The following USP24 variants were observed in gnomAD, a reference collection of about 807,000 sequenced individuals.
The protein encoded by USP24 is ubiquitin carboxyl-terminal hydrolase 24.
In USP24, 97 loss-of-function variants were observed where a neutral mutation model predicts 361.6. That is an observed-to-expected ratio of 0.27 (90% CI 0.23 to 0.32). The LOEUF (loss-of-function observed/expected upper bound fraction) is 0.32, where lower values mean the gene tolerates loss of function less well. Among genes scored for constraint, USP24 ranks in the 10% least tolerant of loss-of-function variants. The pLI is 1.00. For synonymous variants in USP24, 1,098 were observed against 1,124.6 expected, an observed-to-expected ratio of 0.98 and a Z score of 0.47; for missense variants, 2,353 against 3,165.6, an observed-to-expected ratio of 0.74 and a Z score of 6.16.
chr1:55,205,455 C>T (rs1321754496), intron 1 of USP24, among the ~76,000 whole-genome samples: 2 of 152,192 alleles, frequency 1.3e-5, no homozygotes, highest in Admixed American at 6.5e-5. Flanking sequence ...ATTGCATCTT[C>T]TGAGCCAGTT....
At chr1:55,129,421 T>G (rs1557605316) in intron 32 of USP24, 56 bp downstream of exon 32, 35 of 1,454,308 alleles carry the variant, frequency 2.4e-5, no homozygotes, top group Non-Finnish European at 3.2e-5. Context: ...GGAAATTAAC[T>G]AAAATAACTA....
chr1:55,183,611 G>A (rs1039241281), intron 1 of USP24, among the ~76,000 whole-genome samples: 8 of 152,140 alleles, frequency 5.3e-5, no homozygotes, highest in Non-Finnish European at 1.2e-4. Context: ...ACAAAAAGAT[G>A]TAAGAGATAA....
At chr1:55,199,813 C>T (rs896517485) in intron 1 of USP24, among the ~76,000 whole-genome samples, 1 of 152,020 alleles carries the variant, frequency 6.6e-6, no homozygotes, top group Non-Finnish European at 1.5e-5. Flanking sequence ...TTTCATGCCA[C>T]TGATAGAGAC....
chr1:55,172,127 C>T (rs1649515907), intron 4 of USP24, among the ~76,000 whole-genome samples: 1 of 152,036 alleles, frequency 6.6e-6, no homozygotes, highest in Admixed American at 6.6e-5. Flanking sequence ...CATGAATAAT[C>T]GGGGAGAGGT....
chr1:55,121,552 T>A (rs1471416915), intron 36 of USP24, 46 bp from the exon 37 acceptor site: 5 of 1,513,408 alleles, frequency 3.3e-6, no homozygotes, highest in Non-Finnish European at 4.5e-6. Flanking sequence ...ACAAGTTAGG[T>A]AATGCATTTT....
intron 39 of USP24, among the ~76,000 whole-genome samples, chr1:55,109,843 T>C (rs1022323285): frequency 6.6e-6 from 1 of 151,660 alleles, no homozygotes; most frequent in Non-Finnish European, 1.5e-5. Flanking sequence ...CAACAAAGAG[T>C]CCCTCTTTCC....
At chr1:55,212,038 A>G (rs955453187) in intron 1 of USP24, among the ~76,000 whole-genome samples, 1 of 152,214 alleles carries the variant, frequency 6.6e-6, no homozygotes, top group Non-Finnish European at 1.5e-5. Context: ...AGAGCCCGAA[A>G]GAGTGCAGGA....
chr1:55,198,217 A>G (rs1344577199), intron 1 of USP24, among the ~76,000 whole-genome samples: 1 of 152,144 alleles, frequency 6.6e-6, no homozygotes, highest in Non-Finnish European at 1.5e-5. Context: ...CCTCACTTCA[A>G]GCAATCCTCC....
chr1:55,184,222 A>T (rs1029059389), intron 1 of USP24, among the ~76,000 whole-genome samples: 7 of 151,956 alleles, frequency 4.6e-5, no homozygotes, highest in Non-Finnish European at 1.0e-4. Flanking sequence ...ACGTCTGGCT[A>T]ATTTTTGTAT....
chr1:55,070,920 T>C (rs1644908327), intron 67 of USP24, among the ~76,000 whole-genome samples: 1 of 152,176 alleles, frequency 6.6e-6, no homozygotes, highest in Non-Finnish European at 1.5e-5. Context: ...ACAAGAACAG[T>C]GCAGATGCTT....
At chr1:55,106,401 G>GT (rs1383012365) in intron 40 of USP24, 138 bp from the exon 41 acceptor site, 1 of 671,604 alleles carries the variant, frequency 1.5e-6, no homozygotes, top group African/African-American at 1.8e-5. Context: ...TTTAATGTTT[G>GT]TTTTTGGAGG....
chr1:55,108,946 C>T (rs1008819833), intron 39 of USP24, among the ~76,000 whole-genome samples: 1 of 152,190 alleles, frequency 6.6e-6, no homozygotes, highest in African/African-American at 2.4e-5. Flanking sequence ...TCCCTCTCCA[C>T]GAGACCAATT....
intron 10 of USP24, 63 bp from the exon 11 acceptor site, chr1:55,157,433 A>G: frequency 1.1e-6 from 1 of 936,908 alleles, no homozygotes; most frequent in Non-Finnish European, 1.6e-6. Flanking sequence ...ATATAGATAG[A>G]TAGATAATTT....
At chr1:55,127,061 T>C (rs1325263700) in intron 32 of USP24, among the ~76,000 whole-genome samples, 1 of 151,950 alleles carries the variant, frequency 6.6e-6, no homozygotes, top group Non-Finnish European at 1.5e-5. Context: ...AACTTCCCCC[T>C]CAGTTTTTTT....
At chr1:55,124,380 AT>A (rs1646366988) in intron 35 of USP24, 88 bp downstream of exon 35, 2 of 1,474,500 alleles carry the variant, frequency 1.4e-6, no homozygotes, top group East Asian at 2.5e-5. Context: ...AGGGTCTCCC[AT>A]TTTTGTGACT....
chr1:55,132,508 C>A, intron 31 of USP24, 37 bp downstream of exon 31: 1 of 1,580,752 alleles, frequency 6.3e-7, no homozygotes, highest in Non-Finnish European at 8.6e-7. Context: ...CCAAATAGAC[C>A]TGTCAAAATG....
chr1:55,123,921 T>C (rs1646353236), intron 35 of USP24, among the ~76,000 whole-genome samples: 2 of 152,172 alleles, frequency 1.3e-5, no homozygotes, highest in Non-Finnish European at 2.9e-5. Context: ...TGTAACTTGA[T>C]GTAGATGGGT....
chr1:55,203,773 T>A (rs1446083819), intron 1 of USP24, among the ~76,000 whole-genome samples: 1 of 152,142 alleles, frequency 6.6e-6, no homozygotes, highest in East Asian at 1.9e-4. Context: ...TCTAAAGGTG[T>A]CAGTGTATCT....
Position 55,208,191 on chromosome 1 carries a change from C to G in USP24, c.324+6599G>C, listed in dbSNP as rs116118386. 3.7e-4 allele frequency among the ~76,000 whole-genome samples: 57 copies of G among 152,240 alleles called. 1 individual carries two copies. The highest frequency in any genetic ancestry group is 1.3e-3 in the African/African-American group (55 of 41,516). Reference sequence around the variant, plus strand: ...TTCTACTTCTCACACATAACACACACAGAGAAATAAAAAATGGAAGCTACC... The same window carrying G: ...TTCTACTTCTCACACATAACACACAGAGAGAAATAAAAAATGGAAGCTACC... On this transcript the variant is annotated intron_variant, in intron 1 of 67. Coordinates refer to ENST00000294383, the MANE Select transcript of USP24 (RefSeq NM_015306.3).
Sources: gnomAD v4.1 joint callset for allele counts (sites outside exome capture counted in the v4.1 genomes callset) on GRCh38, gnomAD v4.1.1 for gene constraint, MANE v1.5 for transcripts, NCBI Gene and HGNC (gene_info 2026-07-23, HGNC 2026-07-21) for gene names.